The following MAPK14 variants were observed in gnomAD, a reference collection of about 807,000 sequenced individuals.
MAPK14 encodes the protein mitogen-activated protein kinase 14.
In MAPK14, 16 loss-of-function variants were observed where a neutral mutation model predicts 49.6. The observed-to-expected ratio is 0.32, with a 90% confidence interval of 0.22 to 0.49. The LOEUF is 0.49. Ranked by LOEUF, MAPK14 falls within the 20% of genes least tolerant of loss-of-function variation. The probability of loss-of-function intolerance (pLI) is 0.99; values close to 1 mark genes in which losing one functional copy is unlikely to be tolerated. For synonymous variants in MAPK14, 142 were observed against 158.0 expected (o/e 0.90, Z 0.76); for missense variants, 200 against 441.2 (o/e 0.45, Z 4.90).
chr6:36,087,309 G>T (rs1403342266), intron 8 of MAPK14, among the ~76,000 whole-genome samples: 1 of 152,138 alleles, frequency 6.6e-6, no homozygotes, highest in Admixed American at 6.6e-5. Context: ...AAGAAAGAAA[G>T]AAAGGGTATT....
At chr6:36,029,059 A>T (rs1430538728) in intron 1 of MAPK14, 2 of 152,104 alleles carry the variant, frequency 1.3e-5, no homozygotes, top group Non-Finnish European at 2.9e-5. Flanking sequence ...ACCACTGCTC[A>T]TTTAAGTATT....
chr6:36,062,431 G>A (rs1431055353), intron 3 of MAPK14, among the ~76,000 whole-genome samples: 2 of 152,074 alleles, frequency 1.3e-5, no homozygotes, highest in East Asian at 3.9e-4. Flanking sequence ...GGGGTCTGTG[G>A]CAAAATACAT....
intron 3 of MAPK14, among the ~76,000 whole-genome samples, chr6:36,066,388 A>G (rs1056240681): frequency 6.6e-6 from 1 of 152,096 alleles, no homozygotes; most frequent in Middle Eastern, 3.2e-3. Flanking sequence ...CTCGTTTTCC[A>G]ATTGCTATGG....
intron 6 of MAPK14, 129 bp from the exon 7 acceptor site, chr6:36,075,719 T>G (rs1764504564): frequency 8.3e-7 from 1 of 1,198,000 alleles, no homozygotes; most frequent in African/African-American, 1.5e-5. Flanking sequence ...GAAATCTCTT[T>G]ATGAAAGTGC....
At chr6:36,051,158 C>T (rs1403953991) in intron 1 of MAPK14, among the ~76,000 whole-genome samples, 5 of 151,488 alleles carry the variant, frequency 3.3e-5, no homozygotes, top group Non-Finnish European at 7.4e-5. Context: ...CTCTTATTGC[C>T]AGGCTGGAGT....
intron 2 of MAPK14, among the ~76,000 whole-genome samples, chr6:36,057,931 A>G (rs888000277): frequency 3.3e-5 from 5 of 152,154 alleles, no homozygotes; most frequent in African/African-American, 1.2e-4. Flanking sequence ...AATGAATTAT[A>G]TATTTCTTAT....
chr6:36,111,628 A>C (rs1283789314), downstream of MAPK14, among the ~76,000 whole-genome samples: 1 of 152,074 alleles, frequency 6.6e-6, no homozygotes, highest in Non-Finnish European at 1.5e-5. Context: ...GGGATGAAAG[A>C]GCCACGGGGT....
At chr6:36,089,369 G>A (rs1765125496) in intron 8 of MAPK14, among the ~76,000 whole-genome samples, 1 of 152,148 alleles carries the variant, frequency 6.6e-6, no homozygotes, top group African/African-American at 2.4e-5. Context: ...AACACACGCT[G>A]GGGCCTGTTG....
chr6:36,033,370 G>T (rs909085813), intron 1 of MAPK14, among the ~76,000 whole-genome samples: 2 of 151,236 alleles, frequency 1.3e-5, no homozygotes, highest in Non-Finnish European at 2.9e-5. Context: ...AGGCTGGGGC[G>T]CAGTGGTGCA....
chr6:36,043,239 A>T (rs765029988), intron 1 of MAPK14, among the ~76,000 whole-genome samples: 1 of 152,240 alleles, frequency 6.6e-6, no homozygotes, highest in Non-Finnish European at 1.5e-5. Context: ...TTAAAACAAG[A>T]TATTTGAGAG....
chr6:36,052,828 T>C lies in MAPK14; in HGVS notation c.246T>C (p.Asn82=), dbSNP rs1320872051. ...TACTTAAACATATGAAACATGAAAA[T>C]GTAAGTTATTCATTCAAGGAAGAAT... ...LRLLKHMKHE[N]VIGLLDVFTP... Residue 82 remains asparagine (N), a splice_region_variant and synonymous_variant, in exon 2 of 12, where the codon AAT becomes AAC. Transcript: ENST00000229794. 1.2e-6 allele frequency: 2 copies of C among 1,602,302 alleles called. No homozygotes were observed. The highest frequency in any genetic ancestry group is 1.7e-6 in the Non-Finnish European group (2 of 1,175,684).
chr6:36,060,160 T>C (rs1056345424), intron 3 of MAPK14, among the ~76,000 whole-genome samples: 3 of 152,104 alleles, frequency 2.0e-5, no homozygotes, highest in Non-Finnish European at 4.4e-5. Context: ...CTATGGACAA[T>C]TGGGCTGAAA....
chr6:36,118,758 A>G, the MAPK14 span, among the ~76,000 whole-genome samples: 1 of 152,216 alleles, frequency 6.6e-6, no homozygotes, highest in Non-Finnish European at 1.5e-5. Context: ...CTATCTGATC[A>G]TGGTTGCTGA....
intron 9 of MAPK14, among the ~76,000 whole-genome samples, chr6:36,099,010 C>T (rs960854838): frequency 3.3e-5 from 5 of 152,170 alleles, no homozygotes; most frequent in Admixed American, 2.6e-4. Flanking sequence ...TAAAAGGCAG[C>T]GTGGAGCACA....
At chr6:36,069,651 G>A (rs1458273047) in intron 3 of MAPK14, among the ~76,000 whole-genome samples, 1 of 152,116 alleles carries the variant, frequency 6.6e-6, no homozygotes, top group African/African-American at 2.4e-5. Flanking sequence ...CTCTGAGGGG[G>A]AAAGGATTTG....
rs1562090295 is a variant in MAPK14 at position 36,028,790 on chromosome 6, C to CTTTTTTTT, written c.116+517_116+518insTTTTTTTT. Reference sequence around the variant, plus strand: ...GACCAGGAAGGGAGCTCTCTCCGGGCCTTTTTTTTTTTTTTTTTTTTTCAA... The same window carrying CTTTTTTTT: ...GACCAGGAAGGGAGCTCTCTCCGGGCTTTTTTTTCTTTTTTTTTTTTTTTTTTTTTCAA... On this transcript the variant is annotated intron_variant, in intron 1 of 11. Coordinates refer to ENST00000229794, the MANE Select transcript of MAPK14 (RefSeq NM_139012.3). This position sits in a 1 kb window ranked among gnomAD's most constrained non-coding sequence, Gnocchi z 5.1. 8.6e-4 allele frequency among the ~76,000 whole-genome samples: 118 copies of CTTTTTTTT among 137,462 alleles called. 1 individual carries two copies. Among genetic ancestry groups the CTTTTTTTT allele is most frequent in the African/African-American group, 3.1e-3 (108 of 35,296 alleles). 90.2% of individuals were successfully genotyped at this position (137,462 alleles called of 152,430 possible).
At chr6:36,115,927 C>CAAAAA (rs60613902), downstream of MAPK14, among the ~76,000 whole-genome samples, 2 of 106,350 alleles carry the variant, frequency 1.9e-5, no homozygotes, top group Admixed American at 1.0e-4. Context: ...GACTCCGTCT[C>CAAAAA]AAAAAAAAAA....
In MAPK14 at chr6:36,110,742, G is replaced by A. The variant is rs1432658106; in HGVS notation, c.*2295G>A. 3.9e-5 allele frequency: 6 copies of A among 152,166 alleles called. No individual in the cohort carries two copies. The highest frequency in any genetic ancestry group is 8.8e-5 in the Non-Finnish European group (6 of 68,024). 9.4% of individuals were successfully genotyped at this position (152,166 alleles called of 1,614,324 possible). ...AGACAATACCACTGGTTAAAATAAA[G>A]CCTATTTTTCAAATTTAGTGAGTTT... On this transcript the variant is annotated 3_prime_UTR_variant, in exon 12 of 12. Transcript: ENST00000229794.
In MAPK14 at chr6:36,062,587, A is replaced by G. The variant is rs566582914; in HGVS notation, c.305+3240A>G. On this transcript the variant is annotated intron_variant, in intron 3 of 11. Transcript: ENST00000229794. ...TAGAGCAGGCTATAATTTGAACACA[A>G]ATTTTTAAATGCTAATTAGCAAAAT... 3.3e-5 allele frequency among the ~76,000 whole-genome samples: 5 copies of G among 152,200 alleles called. No individual in the cohort carries two copies. The East Asian group carries it at 9.6e-4, about 29-fold the overall frequency.
Sources: allele counts gnomAD v4.1 joint callset (sites outside exome capture counted in the v4.1 genomes callset), GRCh38; gene constraint gnomAD v4.1.1; non-coding constraint Gnocchi (gnomAD v3.1); transcripts MANE v1.5; gene names NCBI Gene and HGNC (gene_info 2026-07-23, HGNC 2026-07-21).